Variants in NALF1 observed in about 807,000 individuals in gnomAD.
The protein encoded by NALF1 is NALCN channel auxiliary factor 1, also known as family with sequence similarity 155 member A.
NALF1 carries 3 observed loss-of-function variants against 48.4 expected under a neutral mutation model. The ratio of observed to expected loss-of-function variants is 0.06; its 90% CI spans 0.03 to 0.16. NALF1 has a LOEUF of 0.16. Among genes scored for constraint, NALF1 ranks in the 10% least tolerant of loss-of-function variants. The probability of loss-of-function intolerance (pLI) is 1.00; values close to 1 mark genes in which losing one functional copy is unlikely to be tolerated. For synonymous variants in NALF1, 262 were observed against 245.7 expected (o/e 1.07, Z -0.62); for missense variants, 526 against 571.5 (o/e 0.92, Z 0.81).
chr13:107,256,185 C>T (rs1217678258), intron 1 of NALF1, among the ~76,000 whole-genome samples: 1 of 152,082 alleles, frequency 6.6e-6, no homozygotes, highest in Admixed American at 6.6e-5. Flanking sequence ...ATATGTAAAT[C>T]ACATTGCTTC....
intron 1 of NALF1, among the ~76,000 whole-genome samples, chr13:107,791,754 C>A (rs1878241309): frequency 6.7e-6 from 1 of 150,308 alleles, no homozygotes; most frequent in Non-Finnish European, 1.5e-5. Context: ...AGTTCCAGAC[C>A]AGCCTGGCCA....
chr13:107,500,394 C>A (rs1043851550), intron 1 of NALF1, among the ~76,000 whole-genome samples: 1 of 151,990 alleles, frequency 6.6e-6, no homozygotes, highest in Non-Finnish European at 1.5e-5. Context: ...CAAATCAAAA[C>A]CACAATGAGA....
chr13:107,335,795 A>T (rs1465184109), intron 1 of NALF1, among the ~76,000 whole-genome samples: 1 of 152,216 alleles, frequency 6.6e-6, no homozygotes, highest in Non-Finnish European at 1.5e-5. Context: ...ATTCTATCCC[A>T]CGATTCAACT....
intron 1 of NALF1, among the ~76,000 whole-genome samples, chr13:107,379,664 T>C (rs565998255): frequency 2.6e-5 from 4 of 152,320 alleles, no homozygotes; most frequent in Admixed American, 2.6e-4. Context: ...TGCTCAGCTG[T>C]AAGCCACCTA....
chr13:107,383,310 A>G (rs1158540104), intron 1 of NALF1, among the ~76,000 whole-genome samples: 1 of 152,208 alleles, frequency 6.6e-6, no homozygotes, highest in Non-Finnish European at 1.5e-5. Flanking sequence ...CATTGGTTTT[A>G]TAACCTGAAA....
At chr13:107,528,635 C>T (rs1323661) in intron 1 of NALF1, among the ~76,000 whole-genome samples, 117,540 of 152,004 alleles carry the variant, frequency 0.77, 46,830 homozygotes, top group South Asian at 0.9. Flanking sequence ...CAAGCCAGAA[C>T]TGAGAATAAA....
chr13:107,306,736 A>G (rs1881943646), intron 1 of NALF1, among the ~76,000 whole-genome samples: 1 of 152,084 alleles, frequency 6.6e-6, no homozygotes, highest in Non-Finnish European at 1.5e-5. Flanking sequence ...GGCTGAGGGA[A>G]GTGGATCGCT....
intron 1 of NALF1, among the ~76,000 whole-genome samples, chr13:107,268,868 T>C (rs1429745678): frequency 2.0e-5 from 3 of 152,124 alleles, no homozygotes; most frequent in Non-Finnish European, 4.4e-5. Flanking sequence ...AGGGCCAGAT[T>C]TTTTAGGGCA....
intron 1 of NALF1, chr13:107,466,131 G>A (rs1884998420): frequency 2.0e-5 from 3 of 152,314 alleles, no homozygotes; most frequent in Non-Finnish European, 4.4e-5. Flanking sequence ...AAAACCATCA[G>A]ATCTCATGGG....
At chr13:107,757,675 T>G (rs1411260487) in intron 1 of NALF1, among the ~76,000 whole-genome samples, 1 of 152,174 alleles carries the variant, frequency 6.6e-6, no homozygotes, top group African/African-American at 2.4e-5. Context: ...CTTGTGTAAC[T>G]GATTAAATTC....
intron 1 of NALF1, among the ~76,000 whole-genome samples, chr13:107,388,193 G>A (rs999883262): frequency 1.3e-5 from 2 of 152,162 alleles, no homozygotes; most frequent in Admixed American, 6.6e-5. Flanking sequence ...TATAATGTAC[G>A]TCATTTGAAA....
At chr13:107,781,447 C>T (rs1330611916) in intron 1 of NALF1, among the ~76,000 whole-genome samples, 1 of 151,938 alleles carries the variant, frequency 6.6e-6, no homozygotes, top group Non-Finnish European at 1.5e-5. Flanking sequence ...CAAAATATTA[C>T]TTCAGTTTGC....
At chr13:107,338,440 A>G (rs1379178824) in intron 1 of NALF1, among the ~76,000 whole-genome samples, 2 of 152,226 alleles carry the variant, frequency 1.3e-5, no homozygotes, top group African/African-American at 2.4e-5. Context: ...AATAGTGTCA[A>G]TATATTTACA....
chr13:107,851,989 G>A lies in NALF1; in HGVS notation c.915+13693C>T, dbSNP rs570379321. Among the ~76,000 whole-genome samples the A allele has an allele frequency of 5.3e-5, 8 of 149,692 alleles. No individual in the cohort carries two copies. The South Asian group carries it at 1.7e-3, about 32-fold the overall frequency. On this transcript the variant is annotated intron_variant, in intron 1 of 2. Coordinates refer to ENST00000375915, the MANE Select transcript of NALF1 (RefSeq NM_001080396.3). Reference sequence around the variant, plus strand: ...GCCCGGCTATTTTTTTTTTTAATTTGGGGGGTGTCATTATGTTGCCCAAGA... The same window carrying A: ...GCCCGGCTATTTTTTTTTTTAATTTAGGGGGTGTCATTATGTTGCCCAAGA...
chr13:107,690,240 GC>G (rs1304577460), intron 1 of NALF1, among the ~76,000 whole-genome samples: 1 of 152,170 alleles, frequency 6.6e-6, no homozygotes, highest in Non-Finnish European at 1.5e-5. Context: ...ATGACATTAT[GC>G]TTTAAGGGTT....
At position 107,550,570 on chromosome 13, in the gene NALF1, G is replaced by A. The variant is rs4772884; in HGVS notation, c.915+315112C>T. Among the ~76,000 whole-genome samples, 4,321 of 151,994 alleles carry A rather than the reference G, an allele frequency of 0.028. 400 individuals carry two copies. In the East Asian group the frequency reaches 0.35, roughly 12 times the overall value. On this transcript the variant is annotated intron_variant, in intron 1 of 2. Transcript: ENST00000375915. ...CATCTCTCTCATTGATCTTTTCCTC[G>A]TTATTCAAAATTCACTACCTCAGTT...
chr13:107,630,011 A>G (rs984637121), intron 1 of NALF1, among the ~76,000 whole-genome samples: 2 of 152,036 alleles, frequency 1.3e-5, no homozygotes, highest in Non-Finnish European at 2.9e-5. Context: ...CTAATCTATC[A>G]TCTATCTCTC....
intron 2 of NALF1, among the ~76,000 whole-genome samples, chr13:107,178,140 T>C (rs1878979429): frequency 6.6e-6 from 1 of 152,112 alleles, no homozygotes; most frequent in African/African-American, 2.4e-5. Context: ...GATGTTGCTC[T>C]AGGCAAAAAT....
At chr13:107,277,058 C>T (rs1881296335) in intron 1 of NALF1, among the ~76,000 whole-genome samples, 1 of 152,112 alleles carries the variant, frequency 6.6e-6, no homozygotes, top group African/African-American at 2.4e-5. Flanking sequence ...TAGTTTTTCC[C>T]TGGGTTCCAG....
Sources: allele counts gnomAD v4.1 joint callset (sites outside exome capture counted in the v4.1 genomes callset), GRCh38; gene constraint gnomAD v4.1.1; transcripts MANE v1.5; gene names NCBI Gene and HGNC (gene_info 2026-07-23, HGNC 2026-07-21).